The following FRRS1L variants were observed in gnomAD, a reference collection of about 807,000 sequenced individuals.
FRRS1L encodes the protein DOMON domain-containing protein FRRS1L.
FRRS1L carries 22 observed loss-of-function variants against 28.6 expected under a neutral mutation model. The ratio of observed to expected loss-of-function variants is 0.77; its 90% confidence interval spans 0.55 to 1.10. FRRS1L has a LOEUF of 1.10. Ranked by LOEUF, FRRS1L falls within the 50% of genes least tolerant of loss-of-function variation. FRRS1L has a pLI of 0.00. For synonymous variants in FRRS1L, 158 were observed against 151.4 expected (o/e 1.04, Z -0.32); for missense variants, 380 against 386.9 (o/e 0.98, Z 0.15).
chr9:109,142,761 T>G (rs983025410), intron 3 of FRRS1L, among the ~76,000 whole-genome samples: 8 of 151,746 alleles, frequency 5.3e-5, no homozygotes, highest in African/African-American at 1.9e-4. Context: ...GAGTCTTGTT[T>G]GTGCCACTGC....
In FRRS1L at chr9:109,137,400, A is replaced by G. The variant is rs990969750; in HGVS notation, c.*55T>C. The G allele has an allele frequency of 9.1e-7, 1 of 1,096,420 alleles. No individual in the cohort carries two copies. The highest frequency in any genetic ancestry group is 2.8e-5 in the South Asian group (1 of 35,896). 67.9% of individuals were successfully genotyped at this position (1,096,420 alleles called of 1,614,324 possible). On this transcript the variant is annotated 3_prime_UTR_variant, in exon 5 of 5. Coordinates refer to ENST00000561981, the MANE Select transcript of FRRS1L (RefSeq NM_014334.4). ...TTATACTGGATATTCTTTAAAAAATATATTTATACTAAAGACTTCCCAATC... is the reference window on the plus strand; with the variant it reads ...TTATACTGGATATTCTTTAAAAAATGTATTTATACTAAAGACTTCCCAATC...
intron 2 of FRRS1L, 193 bp from the exon 3 acceptor site, chr9:109,147,382 C>T (rs937493971): frequency 3.4e-5 from 19 of 558,578 alleles, no homozygotes; most frequent in Admixed American, 3.3e-4. Context: ...ACTTTGTACA[C>T]AAGAACTGCA....
At chr9:109,145,727 A>C (rs1057435185) in intron 3 of FRRS1L, among the ~76,000 whole-genome samples, 1 of 151,896 alleles carries the variant, frequency 6.6e-6, no homozygotes, top group African/African-American at 2.4e-5. Flanking sequence ...AATAAAAAAA[A>C]CCCAAAAGGA....
chr9:109,149,885 G>A (rs747149288), intron 1 of FRRS1L, 165 bp from the exon 2 acceptor site: 94 of 606,234 alleles, frequency 1.6e-4, no homozygotes, highest in Non-Finnish European at 2.6e-4. Context: ...GGGGGAGGGT[G>A]TAGGACACAC....
rs547186978 is a variant in FRRS1L at position 109,133,391 on chromosome 9, T to C, written c.*4064A>G. Reference sequence around the variant, plus strand: ...CATGCTCCTTTCCTCTAAATATAACTATAAAAAGTCCTCCAATTAATTGTA... The same window carrying C: ...CATGCTCCTTTCCTCTAAATATAACCATAAAAAGTCCTCCAATTAATTGTA... On this transcript the variant is annotated 3_prime_UTR_variant, in exon 5 of 5. Coordinates refer to ENST00000561981, the MANE Select transcript of FRRS1L (RefSeq NM_014334.4). The C allele has an allele frequency of 2.6e-5, 4 of 152,278 alleles. No individual in the cohort carries two copies. The East Asian group carries it at 7.7e-4, about 29-fold the overall frequency. The allele number at this position is 152,278 out of a possible 1,614,324, so 9.4% of individuals were successfully genotyped here. A position where few individuals can be genotyped will look rare whatever the true frequency, so the allele number is the denominator to read the frequency against.
rs563188946 is a variant in FRRS1L at position 109,130,601 on chromosome 9, G to A, written c.*6854C>T. 1 of 152,112 alleles carries A rather than the reference G, an allele frequency of 6.6e-6. No individual in the cohort carries two copies. Among genetic ancestry groups the A allele is most frequent in the Admixed American group, 6.5e-5 (1 of 15,286 alleles). The allele number at this position is 152,112 out of a possible 1,614,324, so 9.4% of individuals were successfully genotyped here. On this transcript the variant is annotated 3_prime_UTR_variant, in exon 5 of 5. Transcript: ENST00000561981. Reference sequence around the variant, plus strand: ...TCTCAAAATTAATCACAAACATTAGGTACACAATTGTTATAAAACAAATAT... The same window carrying A: ...TCTCAAAATTAATCACAAACATTAGATACACAATTGTTATAAAACAAATAT...
chr9:109,165,809 T>TC (rs1380603444), intron 1 of FRRS1L, among the ~76,000 whole-genome samples: 1 of 152,230 alleles, frequency 6.6e-6, no homozygotes, highest in Non-Finnish European at 1.5e-5. Flanking sequence ...GCTTCATTTT[T>TC]CCCACTGTCT....
intron 1 of FRRS1L, chr9:109,150,520 G>A (rs975511434): frequency 2.0e-5 from 3 of 152,100 alleles, no homozygotes; most frequent in East Asian, 1.9e-4. Context: ...CCAACTTGTC[G>A]CTAAATTCTT....
intron 3 of FRRS1L, among the ~76,000 whole-genome samples, chr9:109,141,906 A>C (rs530182176): frequency 2.0e-4 from 30 of 152,102 alleles, no homozygotes; most frequent in African/African-American, 7.2e-4. Context: ...AATTAAAAAA[A>C]TACCTAGCCT....
chr9:109,142,847 A>T (rs570468247), intron 3 of FRRS1L, among the ~76,000 whole-genome samples: 2 of 152,148 alleles, frequency 1.3e-5, no homozygotes, highest in East Asian at 3.9e-4. Flanking sequence ...ACAACAAAAA[A>T]TAAAATGGTT....
rs10759329 is a variant in FRRS1L at position 109,137,648 on chromosome 9, A to G, written c.710-21T>C. ...AGAGCCTTTAAGAAAAAAAGAGAAG[A>G]GCAGGGGCAATTGAAAAAAGAACAG... On this transcript the variant is annotated intron_variant, in intron 4 of 4. Transcript: ENST00000561981. 0.65 allele frequency: 958,718 copies of G among 1,482,012 alleles called. 311,966 individuals carry two copies. Among genetic ancestry groups the G allele is most frequent in the Middle Eastern group, 0.68 (3,756 of 5,528 alleles). 91.8% of individuals were successfully genotyped at this position (1,482,012 alleles called of 1,614,324 possible).
intron 1 of FRRS1L, among the ~76,000 whole-genome samples, chr9:109,166,088 T>G (rs975952402): frequency 1.3e-5 from 2 of 152,246 alleles, no homozygotes; most frequent in Admixed American, 1.3e-4. Context: ...CTCCTGGGAC[T>G]CAACACTTCA....
At chr9:109,150,801 C>T (rs1001807987) in intron 1 of FRRS1L, 1 of 152,186 alleles carries the variant, frequency 6.6e-6, no homozygotes, top group African/African-American at 2.4e-5. Context: ...TCCACGTACA[C>T]AGGAATCATG....
chr9:109,154,685 C>A (rs1167695245), intron 1 of FRRS1L, among the ~76,000 whole-genome samples: 1 of 152,188 alleles, frequency 6.6e-6, no homozygotes. Context: ...ATCACTAACT[C>A]CATTTTCTTC....
chr9:109,146,275 C>A (rs760530802), intron 3 of FRRS1L, among the ~76,000 whole-genome samples: 25 of 152,146 alleles, frequency 1.6e-4, no homozygotes, highest in Non-Finnish European at 2.2e-4. Flanking sequence ...GTTCTGTGAG[C>A]CACTCCAGGA....
chr9:109,131,676 C>T lies in FRRS1L; in HGVS notation c.*5779G>A, dbSNP rs1306702477. On this transcript the variant is annotated 3_prime_UTR_variant, in exon 5 of 5. Coordinates refer to ENST00000561981, the MANE Select transcript of FRRS1L (RefSeq NM_014334.4). The stretch of plus-strand genomic sequence containing the variant: ...GAATGTATCAAATGTATATCACTTT[C>T]ATATCATCGTAAGTTTGAAAACTCT... The T allele has an allele frequency of 1.3e-5, 2 of 152,220 alleles. No homozygotes were observed. The highest frequency in any genetic ancestry group is 2.4e-5 in the African/African-American group (1 of 41,462). 9.4% of individuals were successfully genotyped at this position (152,220 alleles called of 1,614,324 possible).
intron 1 of FRRS1L, among the ~76,000 whole-genome samples, chr9:109,152,755 G>C (rs751599361): frequency 8.1e-6 from 1 of 123,200 alleles, no homozygotes; most frequent in Non-Finnish European, 1.6e-5. Flanking sequence ...AGTGAGCCAA[G>C]ATCGCACCAC....
In FRRS1L at chr9:109,137,461, G is replaced by T; in HGVS notation, c.876C>A (p.Thr292=). The change falls in exon 5 of 5, where the codon ACC becomes ACA. Residue 292 remains threonine (T), a synonymous_variant. Coordinates refer to ENST00000561981, the MANE Select transcript of FRRS1L (RefSeq NM_014334.4). ...GTTGGCCCTGCAGCTGTGGTTAGGG[G>T]GTTCCCATCAATAGGTAGAAGGTCA... ...VALTFYLLMG[T]P The T allele has an allele frequency of 6.2e-7, 1 of 1,600,030 alleles. No individual in the cohort carries two copies. Among genetic ancestry groups the T allele is most frequent in the Non-Finnish European group, 8.5e-7 (1 of 1,171,276 alleles).
chr9:109,163,910 C>T (rs147024517), intron 1 of FRRS1L, among the ~76,000 whole-genome samples: 87 of 152,274 alleles, frequency 5.7e-4, no homozygotes, highest in African/African-American at 2.0e-3. Context: ...GAGAGTTCCA[C>T]CCATAACCTC....
Sources: allele counts gnomAD v4.1 joint callset (sites outside exome capture counted in the v4.1 genomes callset), GRCh38; gene constraint gnomAD v4.1.1; transcripts MANE v1.5; gene names NCBI Gene and HGNC (gene_info 2026-07-23, HGNC 2026-07-21).